Variants in RORA observed in about 807,000 individuals in gnomAD.
The protein encoded by RORA is nuclear receptor ROR-alpha.
Under a neutral mutation model 69.5 loss-of-function variants are expected in RORA, and 7 were observed. The observed-to-expected ratio is 0.10, with a 90% CI of 0.06 to 0.19. The LOEUF (loss-of-function observed/expected upper bound fraction) is 0.19, where lower values mean the gene tolerates loss of function less well. Among genes scored for constraint, RORA ranks in the 10% least tolerant of loss-of-function variants. RORA has a pLI of 1.00. For missense variants in RORA, 457 were observed against 663.0 expected (o/e 0.69, Z 3.41); for synonymous variants, 261 against 240.8 (o/e 1.08, Z -0.78).
At chr15:60,984,648 T>C (rs1207653218) in intron 1 of RORA, among the ~76,000 whole-genome samples, 2 of 152,150 alleles carry the variant, frequency 1.3e-5, no homozygotes, top group African/African-American at 4.8e-5. Flanking sequence ...TTTGCAAGCT[T>C]GTTGTTATTG....
chr15:61,227,824 A>G (rs1468479214), intron 1 of RORA, among the ~76,000 whole-genome samples: 2 of 152,192 alleles, frequency 1.3e-5, no homozygotes, highest in Non-Finnish European at 2.9e-5. Context: ...CTCCGGAGTG[A>G]CAGGCGCGAT....
intron 1 of RORA, among the ~76,000 whole-genome samples, chr15:61,168,400 T>C (rs566868705): frequency 6.6e-6 from 1 of 152,072 alleles, no homozygotes; most frequent in East Asian, 1.9e-4. Context: ...AACTAATTTT[T>C]GTATTTTTAC....
chr15:60,788,796 C>G (rs1280946367), intron 1 of RORA, among the ~76,000 whole-genome samples: 1 of 152,220 alleles, frequency 6.6e-6, no homozygotes, highest in African/African-American at 2.4e-5. Context: ...GTCAGAGCCC[C>G]CTTCCATGAG....
chr15:60,769,786 C>T (rs1435719184), intron 1 of RORA, among the ~76,000 whole-genome samples: 1 of 152,130 alleles, frequency 6.6e-6, no homozygotes, highest in African/African-American at 2.4e-5. Context: ...CTTTCTTTTC[C>T]TCTAATAATT....
Position 60,967,214 on chromosome 15 carries a change from T to C in RORA, c.166+261839A>G, listed in dbSNP as rs188116981. Among the ~76,000 whole-genome samples the C allele has an allele frequency of 7.0e-4, 106 of 152,388 alleles. 1 individual carries two copies. Among genetic ancestry groups the C allele is most frequent in the Middle Eastern group, 6.8e-3 (2 of 294 alleles). On this transcript the variant is annotated intron_variant, in intron 1 of 10. Transcript: ENST00000335670. ...TAGATTTTTTAAAGCATATGACATA[T>C]AATTTTTGTTATACATCGGCATATA...
At chr15:60,831,867 C>T (rs1303569926) in intron 1 of RORA, among the ~76,000 whole-genome samples, 1 of 152,100 alleles carries the variant, frequency 6.6e-6, no homozygotes, top group Non-Finnish European at 1.5e-5. Context: ...TTCAAGGTTG[C>T]CCCTATAAAA....
At chr15:61,222,377 T>C (rs1220993677) in intron 1 of RORA, among the ~76,000 whole-genome samples, 3 of 152,174 alleles carry the variant, frequency 2.0e-5, no homozygotes, top group Non-Finnish European at 2.9e-5. Flanking sequence ...GAAAAAAAAA[T>C]TGTTCTTGCA....
Position 60,501,577 on chromosome 15 carries a change from A to G in RORA, c.1184-508T>C, listed in dbSNP as rs373701036. Among the ~76,000 whole-genome samples the G allele has an allele frequency of 2.1e-4, 32 of 152,348 alleles. No individual in the cohort carries two copies. The East Asian group carries it at 3.7e-3, about 17-fold the overall frequency. ...TAGGCTGACTGATTTCAGAGCCTAC[A>G]CTTTTAACCTATAGAGTCTAATAGC... On this transcript the variant is annotated intron_variant, in intron 8 of 10. Coordinates refer to ENST00000335670, the MANE Select transcript of RORA (RefSeq NM_134261.3).
At chr15:60,745,751 G>A (rs895687507) in intron 1 of RORA, among the ~76,000 whole-genome samples, 14 of 152,220 alleles carry the variant, frequency 9.2e-5, no homozygotes, top group Admixed American at 2.6e-4. Flanking sequence ...GAACAGGTCA[G>A]TGTGTTCACC....
intron 1 of RORA, among the ~76,000 whole-genome samples, chr15:60,978,145 CA>C (rs1893930864): frequency 6.6e-6 from 1 of 151,990 alleles, no homozygotes; most frequent in Non-Finnish European, 1.5e-5. Flanking sequence ...TCATCATCAT[CA>C]TCATCATCAA....
chr15:60,918,319 ATCT>A (rs1436634932), intron 1 of RORA, among the ~76,000 whole-genome samples: 4 of 152,178 alleles, frequency 2.6e-5, no homozygotes, highest in Admixed American at 6.5e-5. Context: ...AACATCAACA[ATCT>A]TCTTCCCTCT....
chr15:60,607,410 A>T (rs1056207682), intron 2 of RORA, among the ~76,000 whole-genome samples: 1 of 152,208 alleles, frequency 6.6e-6, no homozygotes, highest in Non-Finnish European at 1.5e-5. Flanking sequence ...CAGAAAATTA[A>T]TTTTTTATGA....
At chr15:60,733,848 G>T (rs1477852696) in intron 1 of RORA, among the ~76,000 whole-genome samples, 2 of 150,634 alleles carry the variant, frequency 1.3e-5, no homozygotes, top group Non-Finnish European at 3.0e-5. Flanking sequence ...CAGTGGATGG[G>T]AAGTTGAGTT....
chr15:61,133,081 A>G (rs1262192481), intron 1 of RORA, among the ~76,000 whole-genome samples: 2 of 152,102 alleles, frequency 1.3e-5, no homozygotes, highest in African/African-American at 4.8e-5. Context: ...AACTGTAAAT[A>G]CTAGAAAATG....
In RORA at chr15:60,495,093, A is replaced by C. The variant is rs2065134276; in HGVS notation, c.*2362T>G. The stretch of plus-strand genomic sequence containing the variant: ...TGAATCTGAATGACAAAAAAACAAA[A>C]CAAAACCAAAACCAAAAAACTAAAA... On this transcript the variant is annotated 3_prime_UTR_variant, in exon 11 of 11. Transcript: ENST00000335670. 1 of 152,206 alleles carries C rather than the reference A, an allele frequency of 6.6e-6. No individual in the cohort carries two copies. 9.4% of individuals were successfully genotyped at this position (152,206 alleles called of 1,614,324 possible).
intron 1 of RORA, among the ~76,000 whole-genome samples, chr15:60,881,680 G>A (rs1210628435): frequency 1.3e-5 from 2 of 152,246 alleles, no homozygotes; most frequent in African/African-American, 4.8e-5. Context: ...TTAGAAAACA[G>A]GGTGACTTTT....
intron 1 of RORA, chr15:60,764,888 G>A (rs574125206): frequency 2.0e-5 from 3 of 151,600 alleles, no homozygotes; most frequent in South Asian, 2.1e-4. Context: ...TAAAAACGAC[G>A]TCTTTAAAAA....
chr15:61,129,059 C>T (rs2079167466), intron 1 of RORA, among the ~76,000 whole-genome samples: 1 of 152,192 alleles, frequency 6.6e-6, no homozygotes, highest in South Asian at 2.1e-4. Context: ...CTCGTTAACA[C>T]TAAATGACTT....
intron 1 of RORA, among the ~76,000 whole-genome samples, chr15:61,191,689 T>A (rs1372790099): frequency 6.6e-6 from 1 of 152,202 alleles, no homozygotes; most frequent in Non-Finnish European, 1.5e-5. Context: ...AGTAAAGTGG[T>A]ACTCATGCAG....
Sources: allele counts gnomAD v4.1 joint callset (sites outside exome capture counted in the v4.1 genomes callset), GRCh38; gene constraint gnomAD v4.1.1; transcripts MANE v1.5; gene names NCBI Gene and HGNC (gene_info 2026-07-23, HGNC 2026-07-21).